The following FHIT variants were observed in gnomAD, a reference collection of about 807,000 sequenced individuals.
FHIT encodes the protein fragile histidine triad diadenosine triphosphatase.
FHIT carries 19 observed loss-of-function variants against 17.9 expected under a neutral mutation model. That is an observed-to-expected ratio of 1.06 (90% confidence interval 0.74 to 1.56). The LOEUF (loss-of-function observed/expected upper bound fraction) is 1.56. Among genes scored for constraint, FHIT ranks in the 40% most tolerant of loss-of-function variants. The pLI, the probability that FHIT is intolerant of heterozygous loss-of-function variation, is 0.00. For missense variants in FHIT, 248 were observed against 189.2 expected, an observed-to-expected ratio of 1.31 and a Z score of -1.82; for synonymous variants, 81 against 69.7, an observed-to-expected ratio of 1.16 and a Z score of -0.81.
intron 3 of FHIT, among the ~76,000 whole-genome samples, chr3:60,876,034 A>G (rs1704639589): frequency 6.6e-6 from 1 of 151,608 alleles, no homozygotes; most frequent in East Asian, 1.9e-4. Flanking sequence ...ATCTCTGAAG[A>G]AGTGACCATA....
rs183514097 is a variant in FHIT at position 60,300,651 on chromosome 3, G to A, written c.103+236209C>T. ...AGATATAAATAAAGGGCATGTTATT[G>A]CACTCCGATGATAAACTCCCTGCCT... is the stretch of plus-strand genomic sequence containing the variant. On this transcript the variant is annotated intron_variant, in intron 5 of 9. Transcript: ENST00000492590. Among the ~76,000 whole-genome samples the A allele has an allele frequency of 1.9e-3, 284 of 152,170 alleles. 1 individual carries two copies. The highest frequency in any genetic ancestry group is 3.5e-3 in the Non-Finnish European group (240 of 67,978).
chr3:60,249,987 C>A (rs1405734796), intron 5 of FHIT, among the ~76,000 whole-genome samples: 1 of 152,074 alleles, frequency 6.6e-6, no homozygotes, highest in African/African-American at 2.4e-5. Context: ...ACCACAAGAA[C>A]AGTATGGGGA....
At chr3:61,045,620 A>C (rs984493693) in intron 2 of FHIT, among the ~76,000 whole-genome samples, 2 of 152,204 alleles carry the variant, frequency 1.3e-5, no homozygotes, top group Non-Finnish European at 2.9e-5. Flanking sequence ...AATAGAACTC[A>C]GCTCTGAACC....
intron 3 of FHIT, among the ~76,000 whole-genome samples, chr3:61,033,467 A>C (rs1051906217): frequency 7.2e-5 from 11 of 152,272 alleles, no homozygotes; most frequent in East Asian, 1.9e-4. Flanking sequence ...GATTACAGGG[A>C]AAAAACTAAT....
At chr3:60,700,340 C>T (rs1211748719) in intron 4 of FHIT, among the ~76,000 whole-genome samples, 1 of 152,110 alleles carries the variant, frequency 6.6e-6, no homozygotes, top group African/African-American at 2.4e-5. Context: ...TCATTCTTTG[C>T]TTTCTAATTC....
chr3:60,081,353 T>G (rs764608901), intron 5 of FHIT, among the ~76,000 whole-genome samples: 3 of 152,104 alleles, frequency 2.0e-5, no homozygotes, highest in Non-Finnish European at 4.4e-5. Flanking sequence ...ACCAACAGTA[T>G]AAATGGGTGT....
chr3:60,736,029 T>C lies in FHIT; in HGVS notation c.-18+85890A>G, dbSNP rs540324043. On this transcript the variant is annotated intron_variant, in intron 4 of 9. Coordinates refer to ENST00000492590, the MANE Select transcript of FHIT (RefSeq NM_002012.4). Reference sequence around the variant, plus strand: ...ACAAAGAAGAAATACAAATGGCCTATAATCACATGAAAAAACTGTTGAACA... The same window carrying C: ...ACAAAGAAGAAATACAAATGGCCTACAATCACATGAAAAAACTGTTGAACA... Among the ~76,000 whole-genome samples, 15 of 151,766 alleles carry C rather than the reference T, an allele frequency of 9.9e-5. No homozygotes were observed. In the East Asian group the frequency reaches 2.5e-3, roughly 25 times the overall value.
intron 4 of FHIT, among the ~76,000 whole-genome samples, chr3:60,577,731 T>C (rs1553658097): frequency 6.6e-6 from 1 of 152,132 alleles, no homozygotes; most frequent in Admixed American, 6.6e-5. Context: ...TATACAACCG[T>C]TCGGCTGCCT....
intron 7 of FHIT, among the ~76,000 whole-genome samples, chr3:59,972,868 G>C (rs183564778): frequency 6.6e-6 from 1 of 152,118 alleles, no homozygotes; most frequent in African/African-American, 2.4e-5. Context: ...CCCCTACCTA[G>C]TGCTTTCATC....
In FHIT at chr3:60,367,970, T is replaced by G. The variant is rs369534700; in HGVS notation, c.103+168890A>C. On this transcript the variant is annotated intron_variant, in intron 5 of 9. Coordinates refer to ENST00000492590, the MANE Select transcript of FHIT (RefSeq NM_002012.4). The stretch of plus-strand genomic sequence containing the variant: ...AAGTCCACCATGCACTTACAGGTAT[T>G]AGAAATTTTTCTTCTTATAGGTGAA... Among the ~76,000 whole-genome samples the G allele has an allele frequency of 2.0e-3, 304 of 152,292 alleles. 1 individual carries two copies. Among genetic ancestry groups the G allele is most frequent in the African/African-American group, 6.8e-3 (283 of 41,570 alleles).
intron 4 of FHIT, among the ~76,000 whole-genome samples, chr3:60,677,526 C>A (rs1365775561): frequency 4.6e-5 from 7 of 151,986 alleles, no homozygotes; most frequent in African/African-American, 1.7e-4. Flanking sequence ...ATTATGTATA[C>A]ATATATACAC....
intron 5 of FHIT, among the ~76,000 whole-genome samples, chr3:60,421,556 T>C (rs1702466769): frequency 6.6e-6 from 1 of 152,172 alleles, no homozygotes; most frequent in Non-Finnish European, 1.5e-5. Flanking sequence ...ATGATGCTGA[T>C]ATATGCAATT....
intron 4 of FHIT, among the ~76,000 whole-genome samples, chr3:60,665,748 G>T (rs1429577451): frequency 6.6e-6 from 1 of 151,976 alleles, no homozygotes; most frequent in African/African-American, 2.4e-5. Context: ...TCTTTTGATG[G>T]TGTTTAGATG....
chr3:59,798,234 A>G (rs1235127076), intron 8 of FHIT, among the ~76,000 whole-genome samples: 1 of 152,206 alleles, frequency 6.6e-6, no homozygotes, highest in East Asian at 1.9e-4. Context: ...GGTTGCACCT[A>G]CGCCGCCCAG....
At chr3:60,514,361 C>T (rs762773148) in intron 5 of FHIT, among the ~76,000 whole-genome samples, 3 of 152,218 alleles carry the variant, frequency 2.0e-5, no homozygotes, top group Non-Finnish European at 4.4e-5. Flanking sequence ...TCCTTCACTC[C>T]GGTTCCCACA....
intron 5 of FHIT, among the ~76,000 whole-genome samples, chr3:60,439,139 C>T (rs1037824245): frequency 2.0e-5 from 3 of 152,056 alleles, no homozygotes; most frequent in African/African-American, 7.2e-5. Context: ...GCTTTGCAGG[C>T]ATCCAAGTTT....
At chr3:60,129,074 A>G (rs1699404983) in intron 5 of FHIT, among the ~76,000 whole-genome samples, 1 of 77,602 alleles carries the variant, frequency 1.3e-5, no homozygotes, top group African/African-American at 5.4e-5. Flanking sequence ...TTTTTTTGAA[A>G]CAGAGTCTTG....
rs142375467 is a variant in FHIT at position 60,953,367 on chromosome 3, C to T, written c.-111+88680G>A. On this transcript the variant is annotated intron_variant, in intron 3 of 9. Coordinates refer to ENST00000492590, the MANE Select transcript of FHIT (RefSeq NM_002012.4). ...AGCCTTCCTCCTTCCAAGGCTCGAA[C>T]TGGATTCCAACTATAAAAGTCTATA... 1.3e-3 allele frequency among the ~76,000 whole-genome samples: 201 copies of T among 152,240 alleles called. 6 individuals are homozygous for T. Among genetic ancestry groups the T allele is most frequent in the Admixed American group, 0.012 (183 of 15,288 alleles).
At chr3:60,137,641 A>G (rs1019499952) in intron 5 of FHIT, among the ~76,000 whole-genome samples, 10 of 152,186 alleles carry the variant, frequency 6.6e-5, no homozygotes, top group Admixed American at 5.2e-4. Context: ...CTTGTAGGCA[A>G]CAATACCTGA....
Sources: allele counts gnomAD v4.1 joint callset (sites outside exome capture counted in the v4.1 genomes callset), GRCh38; gene constraint gnomAD v4.1.1; transcripts MANE v1.5; gene names NCBI Gene and HGNC (gene_info 2026-07-23, HGNC 2026-07-21).